PCTP: variants seen among roughly 807,000 people sequenced by gnomAD.
PCTP encodes START domain-containing protein 2.
Under a neutral mutation model 31.0 loss-of-function variants are expected in PCTP, and 27 were observed. The observed-to-expected ratio is 0.87, with a 90% CI of 0.64 to 1.20. The LOEUF is 1.20. PCTP is among the 50% of genes most tolerant of loss of function. The probability of loss-of-function intolerance (pLI) is 0.00; values close to 1 mark genes in which losing one functional copy is unlikely to be tolerated. For synonymous variants in PCTP, 108 were observed against 101.2 expected (o/e 1.07, Z -0.40); for missense variants, 287 against 268.2 (o/e 1.07, Z -0.49).
chr17:55,807,391 G>C (rs1353112903), intron 3 of PCTP, among the ~76,000 whole-genome samples: 1 of 152,064 alleles, frequency 6.6e-6, no homozygotes, highest in Non-Finnish European at 1.5e-5. Context: ...ATGCGGCTTG[G>C]CAAGACTGAC....
rs1281102753 is a variant in PCTP, at chr17:55,762,066, A to G, written c.142-5269A>G. 3.9e-5 allele frequency among the ~76,000 whole-genome samples: 6 copies of G among 152,134 alleles called. No individual in the cohort carries two copies. In the East Asian group the frequency reaches 1.2e-3, roughly 29 times the overall value. The stretch of plus-strand genomic sequence containing the variant: ...GCAGAGCCGTTCTTTTATAAAGAGG[A>G]GCAAAGAACGTTAGAAAGAACCATA... On this transcript the variant is annotated intron_variant, in intron 1 of 5. Coordinates refer to ENST00000268896, the MANE Select transcript of PCTP (RefSeq NM_021213.4).
At chr17:55,759,244 T>C (rs1470476809) in intron 1 of PCTP, among the ~76,000 whole-genome samples, 2 of 152,246 alleles carry the variant, frequency 1.3e-5, no homozygotes, top group African/African-American at 4.8e-5. Flanking sequence ...TATCATTATT[T>C]GGATTAAGTG....
chr17:55,759,340 A>C (rs1285375894), intron 1 of PCTP, among the ~76,000 whole-genome samples: 1 of 152,172 alleles, frequency 6.6e-6, no homozygotes, highest in East Asian at 1.9e-4. Context: ...TGTTTTACCT[A>C]GCTGTGTGCA....
chr17:55,765,401 G>A (rs945131798), intron 1 of PCTP, among the ~76,000 whole-genome samples: 2 of 152,056 alleles, frequency 1.3e-5, no homozygotes, highest in Non-Finnish European at 2.9e-5. Context: ...TTAGAAGATG[G>A]CATTCCCATC....
chr17:55,838,430 C>G (rs1266340399), intron 5 of PCTP, among the ~76,000 whole-genome samples: 2 of 152,200 alleles, frequency 1.3e-5, no homozygotes, highest in East Asian at 1.9e-4. Context: ...CTCAGGAAGC[C>G]TCTTCTAACT....
intron 3 of PCTP, among the ~76,000 whole-genome samples, chr17:55,799,021 AT>A (rs1470990109): frequency 6.6e-6 from 1 of 151,850 alleles, no homozygotes; most frequent in Non-Finnish European, 1.5e-5. Context: ...TTATGTTTGA[AT>A]CTCAAGGATA....
chr17:55,751,160 G>C lies in PCTP; in HGVS notation c.57G>C (p.Glu19Asp). ...SEEQFWEACA[E>D]LQQPALAGAD... Reference sequence around the variant, plus strand: ...AGCAGTTCTGGGAGGCCTGCGCCGAGCTCCAGCAGCCCGCTCTGGCCGGGG... The same window carrying C: ...AGCAGTTCTGGGAGGCCTGCGCCGACCTCCAGCAGCCCGCTCTGGCCGGGG... Residue 19 changes from glutamate (E) to aspartate (D), a missense_variant, in exon 1 of 6, where the codon GAG becomes GAC. Glu to Asp is a conservative substitution (Grantham distance 45, BLOSUM62 2). Coordinates refer to ENST00000268896, the MANE Select transcript of PCTP (RefSeq NM_021213.4). The C allele has an allele frequency of 6.5e-7, 1 of 1,548,370 alleles. No homozygotes were observed. The highest frequency in any genetic ancestry group is 8.7e-7 in the Non-Finnish European group (1 of 1,146,148).
intron 4 of PCTP, among the ~76,000 whole-genome samples, chr17:55,774,118 T>C (rs1911175241): frequency 6.6e-6 from 1 of 152,196 alleles, no homozygotes; most frequent in African/African-American, 2.4e-5. Flanking sequence ...CAGTCTATTT[T>C]CTCCAGACTC....
chr17:55,772,598 A>G (rs1911075457), intron 3 of PCTP, among the ~76,000 whole-genome samples: 1 of 150,004 alleles, frequency 6.7e-6, no homozygotes, highest in African/African-American at 2.5e-5. Context: ...AAAAAAAAAG[A>G]CACTGAGGTG....
At chr17:55,828,935 G>A (rs918786202) in intron 5 of PCTP, among the ~76,000 whole-genome samples, 5 of 152,188 alleles carry the variant, frequency 3.3e-5, no homozygotes, top group Admixed American at 2.6e-4. Flanking sequence ...TCCCTCAAGG[G>A]CTTCTTCCCA....
downstream of PCTP, among the ~76,000 whole-genome samples, chr17:55,778,082 T>C (rs1049027183): frequency 6.6e-6 from 1 of 152,132 alleles, no homozygotes; most frequent in Non-Finnish European, 1.5e-5. Context: ...GGTTACAGTG[T>C]TTGCTGTAAT....
downstream of PCTP, among the ~76,000 whole-genome samples, chr17:55,846,970 A>G (rs1009363878): frequency 6.6e-6 from 1 of 152,196 alleles, no homozygotes; most frequent in Non-Finnish European, 1.5e-5. Flanking sequence ...TGTAAATTCC[A>G]TAGGGCAGGA....
At chr17:55,803,693 G>A (rs1006667862) in intron 3 of PCTP, among the ~76,000 whole-genome samples, 7 of 151,914 alleles carry the variant, frequency 4.6e-5, no homozygotes, top group African/African-American at 1.4e-4. Context: ...TCCTTATACC[G>A]TATACAAAAA....
chr17:55,799,069 T>TGG (rs374610338), intron 3 of PCTP, among the ~76,000 whole-genome samples: 1 of 151,242 alleles, frequency 6.6e-6, no homozygotes, highest in African/African-American at 2.4e-5. Flanking sequence ...AGTAAGCTAA[T>TGG]GGGGGGGGAA....
intron 3 of PCTP, among the ~76,000 whole-genome samples, chr17:55,796,857 A>C (rs9910491): frequency 0.069 from 10,553 of 152,034 alleles, 1,187 homozygotes; most frequent in African/African-American, 0.23. Context: ...TATGATTTTT[A>C]CACATAATGA....
At chr17:55,797,941 T>C (rs892213212) in intron 3 of PCTP, among the ~76,000 whole-genome samples, 3 of 152,022 alleles carry the variant, frequency 2.0e-5, no homozygotes, top group Non-Finnish European at 4.4e-5. Context: ...GAGATCCAGA[T>C]ACTAAATTTA....
chr17:55,813,781 G>A (rs1027246875), intron 3 of PCTP, among the ~76,000 whole-genome samples: 3 of 152,156 alleles, frequency 2.0e-5, no homozygotes, highest in Admixed American at 6.5e-5. Flanking sequence ...GGTGGCTCAC[G>A]CCTGTAATCC....
chr17:55,819,242 A>G (rs1913036518), intron 3 of PCTP, among the ~76,000 whole-genome samples: 1 of 152,110 alleles, frequency 6.6e-6, no homozygotes, highest in Non-Finnish European at 1.5e-5. Flanking sequence ...TAAGATCAGA[A>G]ATAAGACCAA....
At chr17:55,766,192 G>C (rs1311203360) in intron 1 of PCTP, among the ~76,000 whole-genome samples, 2 of 151,800 alleles carry the variant, frequency 1.3e-5, no homozygotes, top group East Asian at 3.9e-4. Context: ...TTTTATCATT[G>C]TGTCACCAAG....
Sources: gnomAD v4.1 joint callset for allele counts (sites outside exome capture counted in the v4.1 genomes callset) on GRCh38, gnomAD v4.1.1 for gene constraint, MANE v1.5 for transcripts, NCBI Gene and HGNC (gene_info 2026-07-23, HGNC 2026-07-21) for gene names.